SYN2: variants seen among roughly 807,000 people sequenced by gnomAD.
SYN2 encodes the protein synapsin II, also known as synapsin-2.
SYN2 carries 19 observed loss-of-function variants against 50.9 expected under a neutral mutation model. The observed-to-expected ratio is 0.37, with a 90% CI of 0.26 to 0.55. The LOEUF (loss-of-function observed/expected upper bound fraction) is 0.55. Ranked by LOEUF, SYN2 falls within the 20% of genes least tolerant of loss-of-function variation. SYN2 has a pLI of 0.81. For synonymous variants in SYN2, 255 were observed against 224.9 expected (o/e 1.13, Z -1.20); for missense variants, 587 against 576.4 (o/e 1.02, Z -0.19).
intron 1 of SYN2, among the ~76,000 whole-genome samples, chr3:12,078,162 G>T (rs1695511396): frequency 6.6e-6 from 1 of 151,694 alleles, no homozygotes; most frequent in African/African-American, 2.4e-5. Flanking sequence ...TTTTAATGGG[G>T]TTGTTATTTT....
intron 1 of SYN2, among the ~76,000 whole-genome samples, chr3:12,063,125 T>G (rs1695148442): frequency 6.6e-6 from 1 of 150,528 alleles, no homozygotes; most frequent in Admixed American, 6.6e-5. Context: ...ATTTGGGGGG[T>G]GGTGAAACTA....
chr3:12,072,019 A>T (rs186443125), intron 1 of SYN2, among the ~76,000 whole-genome samples: 1 of 152,152 alleles, frequency 6.6e-6, no homozygotes, highest in East Asian at 1.9e-4. Flanking sequence ...TTGGTTTTCT[A>T]CTGTTATGTG....
intron 7 of SYN2, among the ~76,000 whole-genome samples, chr3:12,165,978 T>G (rs1697778853): frequency 6.6e-6 from 1 of 152,174 alleles, no homozygotes; most frequent in Non-Finnish European, 1.5e-5. Context: ...TTTCTGAGTC[T>G]TACTCTTATC....
intron 5 of SYN2, among the ~76,000 whole-genome samples, chr3:12,152,791 T>C (rs763965569): frequency 6.6e-6 from 1 of 152,202 alleles, no homozygotes; most frequent in Non-Finnish European, 1.5e-5. Context: ...CTTATGGACA[T>C]CAGTTGAGGG....
chr3:12,120,027 G>A (rs182892430), intron 1 of SYN2, among the ~76,000 whole-genome samples: 34 of 152,090 alleles, frequency 2.2e-4, no homozygotes, highest in African/African-American at 7.5e-4. Context: ...AAAGATTTAG[G>A]CAGAACCCTA....
At chr3:12,135,026 A>G (rs1696865000) in intron 1 of SYN2, among the ~76,000 whole-genome samples, 1 of 152,256 alleles carries the variant, frequency 6.6e-6, no homozygotes, top group Non-Finnish European at 1.5e-5. Flanking sequence ...TGCAAAAGCC[A>G]GCTATCCAGC....
At chr3:12,081,344 T>C (rs1695584196) in intron 1 of SYN2, among the ~76,000 whole-genome samples, 1 of 152,224 alleles carries the variant, frequency 6.6e-6, no homozygotes, top group Admixed American at 6.5e-5. Flanking sequence ...TGAGCTATTG[T>C]TCCAGATATT....
chr3:12,164,581 C>T (rs564843931), intron 7 of SYN2, among the ~76,000 whole-genome samples: 3 of 152,178 alleles, frequency 2.0e-5, no homozygotes, highest in Admixed American at 6.5e-5. Context: ...GATCCAGAGA[C>T]AGCCACTTTG....
chr3:12,069,768 G>A (rs1014775185), intron 1 of SYN2, among the ~76,000 whole-genome samples: 1 of 151,252 alleles, frequency 6.6e-6, no homozygotes, highest in Non-Finnish European at 1.5e-5. Flanking sequence ...TATCCTACTG[G>A]GTGTGATTTG....
intron 1 of SYN2, among the ~76,000 whole-genome samples, chr3:12,013,175 C>T (rs1413508244): frequency 6.6e-6 from 1 of 152,168 alleles, no homozygotes; most frequent in East Asian, 1.9e-4. Flanking sequence ...TGCTATGTTG[C>T]CTAGGCTAGT....
chr3:12,115,562 T>C (rs1696415438), intron 1 of SYN2, among the ~76,000 whole-genome samples: 1 of 152,180 alleles, frequency 6.6e-6, no homozygotes, highest in African/African-American at 2.4e-5. Flanking sequence ...TAAACTTTTA[T>C]TCATTCCGTA....
At chr3:12,067,467 G>A (rs1695238659) in intron 1 of SYN2, among the ~76,000 whole-genome samples, 1 of 151,900 alleles carries the variant, frequency 6.6e-6, no homozygotes, top group African/African-American at 2.4e-5. Context: ...AATATGCATG[G>A]CATCACAACA....
At chr3:12,052,713 C>A (rs905968091) in intron 1 of SYN2, among the ~76,000 whole-genome samples, 3 of 152,164 alleles carry the variant, frequency 2.0e-5, no homozygotes, top group African/African-American at 7.2e-5. Context: ...TTGTTGTAAT[C>A]AAGATTACCC....
chr3:12,043,001 C>T (rs1213285186), intron 1 of SYN2, among the ~76,000 whole-genome samples: 1 of 151,812 alleles, frequency 6.6e-6, no homozygotes, highest in East Asian at 1.9e-4. Flanking sequence ...TCCCCCCACA[C>T]CTTTTTTTTC....
chr3:12,040,430 CTTTTTTT>C, intron 1 of SYN2, among the ~76,000 whole-genome samples: 1 of 109,254 alleles, frequency 9.2e-6, no homozygotes, highest in African/African-American at 3.3e-5. Flanking sequence ...AGTTCTGTTT[CTTTTTTT>C]TTTTTTTTTT....
intron 1 of SYN2, among the ~76,000 whole-genome samples, chr3:12,062,089 G>A (rs1475763830): frequency 2.0e-5 from 3 of 151,964 alleles, no homozygotes; most frequent in Non-Finnish European, 4.4e-5. Context: ...GAATAAAGTT[G>A]AAGGATTCAC....
chr3:12,155,581 A>G (rs1040231376), intron 5 of SYN2, among the ~76,000 whole-genome samples: 1 of 152,210 alleles, frequency 6.6e-6, no homozygotes, highest in African/African-American at 2.4e-5. Flanking sequence ...GGGAACTGAT[A>G]TTGACAAAGC....
chr3:12,168,619 C>G (rs1697863716), intron 9 of SYN2, 141 bp downstream of exon 9: 1 of 690,310 alleles, frequency 1.4e-6, no homozygotes, highest in Admixed American at 2.5e-5. Flanking sequence ...TTCTAACCTG[C>G]TAGGCTGACC....
chr3:12,069,329 AC>A (rs1416657821), intron 1 of SYN2, among the ~76,000 whole-genome samples: 1 of 151,192 alleles, frequency 6.6e-6, no homozygotes, highest in Non-Finnish European at 1.5e-5. Flanking sequence ...GCTCACTGCA[AC>A]CTCCGCCTCC....
Sources: allele counts gnomAD v4.1 joint callset (sites outside exome capture counted in the v4.1 genomes callset), GRCh38; gene constraint gnomAD v4.1.1; transcripts MANE v1.5; gene names NCBI Gene and HGNC (gene_info 2026-07-23, HGNC 2026-07-21).